Variants in MYH2 observed in about 807,000 individuals in gnomAD.
MYH2 encodes myosin-2.
In MYH2, 139 loss-of-function variants were observed where a neutral mutation model predicts 228.1. That is an observed-to-expected ratio of 0.61 (90% CI 0.53 to 0.70). The LOEUF (loss-of-function observed/expected upper bound fraction) is 0.70, where lower values mean the gene tolerates loss of function less well. Ranked by LOEUF, MYH2 falls within the 30% of genes least tolerant of loss-of-function variation. The pLI, the probability that MYH2 is intolerant of heterozygous loss-of-function variation, is 0.00. For missense variants in MYH2, 1,809 were observed against 2,357.5 expected (o/e 0.77, Z 4.82); for synonymous variants, 796 against 871.1 (o/e 0.91, Z 1.52).
At chr17:10,522,941 G>T in intron 39 of MYH2, 149 bp downstream of exon 39, 1 of 650,954 alleles carries the variant, frequency 1.5e-6, no homozygotes. Context: ...TGAAGCTACT[G>T]ATATTACAAA....
At chr17:10,521,490 G>A in intron 39 of MYH2, 58 bp from the exon 40 acceptor site, 1 of 1,574,232 alleles carries the variant, frequency 6.4e-7, no homozygotes, top group East Asian at 2.2e-5. Flanking sequence ...AGACTCTTTA[G>A]ACCTAATAGA....
rs2073613188 is a variant in MYH2, at chr17:10,545,291, T to A, written c.505+55A>T. 1.9e-6 allele frequency: 3 copies of A among 1,611,742 alleles called. No homozygotes were observed. In the South Asian group the frequency reaches 3.3e-5, roughly 18 times the overall value. On this transcript the variant is annotated intron_variant, in intron 5 of 39. Transcript: ENST00000245503. ...GTTGAGATTGCCTCGAGTCTCTTTC[T>A]CCTATGGTTCTGCTCTAAAGGTTTA... is the stretch of plus-strand genomic sequence containing the variant.
intron 12 of MYH2, 126 bp from the exon 13 acceptor site, chr17:10,539,688 C>A: frequency 8.3e-7 from 1 of 1,200,214 alleles, no homozygotes; most frequent in Non-Finnish European, 1.2e-6. Flanking sequence ...TATCCTTACC[C>A]ATTTGTTCAT....
chr17:10,532,743 T>C (rs1432324893), intron 21 of MYH2, among the ~76,000 whole-genome samples: 1 of 152,216 alleles, frequency 6.6e-6, no homozygotes, highest in East Asian at 1.9e-4. Flanking sequence ...CCTGGCTCTA[T>C]AGTCTTTGAA....
intron 30 of MYH2, among the ~76,000 whole-genome samples, 190 bp downstream of exon 30, chr17:10,526,409 G>C (rs1174010660): frequency 6.6e-6 from 1 of 152,168 alleles, no homozygotes; most frequent in Admixed American, 6.5e-5. Flanking sequence ...TTCTTAACTA[G>C]ATTTTAGGAT....
At chr17:10,532,104 C>T (rs773408631) in intron 21 of MYH2, among the ~76,000 whole-genome samples, 3 of 152,130 alleles carry the variant, frequency 2.0e-5, no homozygotes, top group Admixed American at 6.5e-5. Flanking sequence ...ATAAGAATCA[C>T]CTGAAGGGCT....
intron 14 of MYH2, 57 bp downstream of exon 14, chr17:10,539,148 A>T: frequency 6.2e-7 from 1 of 1,612,868 alleles, no homozygotes; most frequent in Non-Finnish European, 8.5e-7. Flanking sequence ...ATTCCTTCAT[A>T]TAGATATTTC....
In MYH2 at chr17:10,531,710, C is replaced by T. The variant is rs1567731262; in HGVS notation, c.2620G>A (p.Ala874Thr). The T allele has an allele frequency of 1.2e-6, 2 of 1,614,108 alleles. No homozygotes were observed. The highest frequency in any genetic ancestry group is 8.5e-7 in the Non-Finnish European group (1 of 1,180,002). ...TTTTCTTCCAGTTCCTTCCTTTTTG[C>T]CTCTGACTTGGCAAGTTCGTCTTTA... ...KIKDELAKSE[A>T]KRKELEEKMV... Residue 874 changes from alanine to threonine, a missense_variant, in exon 22 of 40, where the codon GCA becomes ACA. This residue lies in a region of MYH2 where 276 missense variants were observed against 344.2 expected (regional missense o/e 0.80). Coordinates refer to ENST00000245503, the MANE Select transcript of MYH2 (RefSeq NM_017534.6).
rs1359566884 is a variant in MYH2, at chr17:10,537,398, C to T, written c.1732G>A (p.Ala578Thr). The part of the protein sequence containing the change: ...KPKVVKGKAE[A>T]HFALIHYAGV... ...GCATAGTGAATCAGAGCGAAGTGGG[C>T]CTCGGCCTTGCCTTTGACCACCTTG... The change falls in exon 16 of 40, where the codon GCC becomes ACC. Residue 578 changes from alanine (A) to threonine (T), a missense_variant. Around this residue, in one of 9 missense-constraint regions of MYH2, gnomAD observed 41 missense variants for 35.1 expected, o/e 1.17. Transcript: ENST00000245503. The surrounding 1 kb of genome is among the most constrained non-coding windows in gnomAD (Gnocchi z 4.0). The T allele has an allele frequency of 1.2e-6, 2 of 1,614,166 alleles. No homozygotes were observed. Among genetic ancestry groups the T allele is most frequent in the East Asian group, 4.5e-5 (2 of 44,878 alleles).
intron 4 of MYH2, among the ~76,000 whole-genome samples, chr17:10,546,688 G>A (rs764098270): frequency 1.3e-4 from 20 of 151,756 alleles, no homozygotes; most frequent in Non-Finnish European, 2.5e-4. Context: ...AGGTTTCATC[G>A]AGGAGGTGAC....
At chr17:10,532,377 C>A (rs2073435406) in intron 21 of MYH2, among the ~76,000 whole-genome samples, 1 of 152,102 alleles carries the variant, frequency 6.6e-6, no homozygotes, top group Admixed American at 6.5e-5. Flanking sequence ...CTCAGAATTT[C>A]TTAGAAAATA....
Position 10,529,244 on chromosome 17 carries a change from A to G in MYH2, c.3272T>C (p.Phe1091Ser). 1 of 1,614,238 alleles carries G rather than the reference A, an allele frequency of 6.2e-7. No individual in the cohort carries two copies. The change falls in exon 26 of 40, where the codon TTT becomes TCT. Residue 1091 changes from phenylalanine (F) to serine (S), a missense_variant. Phe to Ser is a radical substitution (Grantham distance 155). Coordinates refer to ENST00000245503, the MANE Select transcript of MYH2 (RefSeq NM_017534.6). ...CTTGCTTTGCAGATTGCTGATTTCA[A>G]ACTCTTTCCTTTTAGAAAAGTAGCA... ...QLDEKLKKKE[F>S]EISNLQSKIE... is the part of the protein sequence containing the mutation.
Position 10,525,581 on chromosome 17 carries a change from C to A in MYH2, c.4407G>T (p.Thr1469=). ...TCTGGGAGGCCTCAAGCTCAGCATG[C>A]GTTTCCTCACATTTCTGTTTCCATT... ...LAEWKQKCEE[T]HAELEASQKE... Residue 1469 remains threonine, a synonymous_variant, in exon 32 of 40, where the codon ACG becomes ACT. Transcript: ENST00000245503. This position sits in a 1 kb window ranked among gnomAD's most constrained non-coding sequence, Gnocchi z 4.2. The A allele has an allele frequency of 6.2e-7, 1 of 1,614,186 alleles. No individual in the cohort carries two copies. Among genetic ancestry groups the A allele is most frequent in the Non-Finnish European group, 8.5e-7 (1 of 1,180,030 alleles).
At position 10,536,566 on chromosome 17, in the gene MYH2, C is replaced by T. The variant is rs140568348; in HGVS notation, c.1938G>A (p.Lys646=). Residue 646 remains lysine, a synonymous_variant, in exon 17 of 40, where the codon AAG becomes AAA. Coordinates refer to ENST00000245503, the MANE Select transcript of MYH2 (RefSeq NM_017534.6). The part of the protein sequence containing the change: ...GGGAKKGGKK[K]GSSFQTVSAL... ...CAGACACTGTCTGGAAAGAAGAGCC[C>T]TTCTTCTTACCACCTTTCTTGGCCC... is the stretch of plus-strand genomic sequence containing the variant. The T allele has an allele frequency of 1.9e-6, 3 of 1,613,840 alleles. No individual in the cohort carries two copies. The African/African-American group carries it at 4.0e-5, about 22-fold the overall frequency.
intron 22 of MYH2, among the ~76,000 whole-genome samples, chr17:10,530,831 A>G (rs2073415668): frequency 6.6e-6 from 1 of 152,154 alleles, no homozygotes; most frequent in Admixed American, 6.5e-5. Flanking sequence ...GTAGATTTGG[A>G]GGGCTTTTTC....
rs1166738602 is a variant in MYH2 at position 10,535,289 on chromosome 17, G to A, written c.2051C>T (p.Thr684Ile). Reference protein sequence around the residue: ...HFVRCIIPNETKTPGAMEHEL... With the variant: ...HFVRCIIPNEIKTPGAMEHEL... The stretch of plus-strand genomic sequence containing the variant: ...ATGGAATTTCTTACCAGGAGTTTTT[G>A]TCTCATTGGGGATGATACACCTCAC... Residue 684 changes from threonine to isoleucine, a missense_variant, in exon 18 of 40, where the codon ACA (threonine) becomes ATA (isoleucine). This residue lies in a region of MYH2 where 276 missense variants were observed against 344.2 expected (regional missense o/e 0.80). Transcript: ENST00000245503. The A allele has an allele frequency of 1.2e-6, 2 of 1,614,102 alleles. No individual in the cohort carries two copies. Among genetic ancestry groups the A allele is most frequent in the African/African-American group, 1.3e-5 (1 of 75,036 alleles).
At chr17:10,544,380 T>A (rs188127507) in intron 5 of MYH2, among the ~76,000 whole-genome samples, 148 of 152,306 alleles carry the variant, frequency 9.7e-4, no homozygotes, top group African/African-American at 3.4e-3. Flanking sequence ...AAAAAAATTC[T>A]AAGATGAAGG....
rs1295192706 is a variant in MYH2, at chr17:10,524,573, C to A, written c.5068G>T (p.Glu1690Ter). 2 of 1,614,222 alleles carry A rather than the reference C, an allele frequency of 1.2e-6. No homozygotes were observed. The highest frequency in any genetic ancestry group is 2.2e-5 in the South Asian group (2 of 91,084). Residue 1690 changes from glutamate to a stop codon, truncating the protein, a stop_gained, in exon 35 of 40, where the codon GAG becomes TAG. Transcript: ENST00000245503. LOFTEE classifies it high-confidence loss of function. This position sits in a 1 kb window ranked among gnomAD's most constrained non-coding sequence, Gnocchi z 4.7. ...VERRANLLQA[E>*]IEELRATLEQ... The stretch of plus-strand genomic sequence containing the variant: ...AGAGTGGCCCGCAGCTCCTCGATCT[C>A]AGCCTGCAGCAGGTTGGCTCTGCGC...
chr17:10,544,616 G>A (rs2073601032), intron 5 of MYH2, among the ~76,000 whole-genome samples: 1 of 152,174 alleles, frequency 6.6e-6, no homozygotes, highest in Non-Finnish European at 1.5e-5. Flanking sequence ...AAAGGAGTAA[G>A]TACAGTAAAG....
Sources: gnomAD v4.1 joint callset for allele counts (sites outside exome capture counted in the v4.1 genomes callset) on GRCh38, gnomAD v4.1.1 for gene constraint, gnomAD v4.1.1 regional missense constraint, Gnocchi (gnomAD v3.1) non-coding constraint, MANE v1.5 for transcripts, NCBI Gene and HGNC (gene_info 2026-07-23, HGNC 2026-07-21) for gene names.